MICAL2: variants seen among roughly 807,000 people sequenced by gnomAD.
The protein encoded by MICAL2 is microtubule associated monooxygenase, calponin and LIM domain containing 2.
In MICAL2, 77 loss-of-function variants were observed where a neutral mutation model predicts 127.3. The ratio of observed to expected loss-of-function variants is 0.60; its 90% CI spans 0.50 to 0.73. MICAL2 has a LOEUF of 0.73. MICAL2 is among the 30% of genes least tolerant of loss of function. The probability of loss-of-function intolerance (pLI) is 0.00; values close to 1 mark genes in which losing one functional copy is unlikely to be tolerated. For missense variants in MICAL2, 1,351 were observed against 1,434.4 expected (o/e 0.94, Z 0.94); for synonymous variants, 570 against 551.1 (o/e 1.03, Z -0.48).
At chr11:12,197,769 C>G (rs1432288497) in intron 3 of MICAL2, 2 of 152,176 alleles carry the variant, frequency 1.3e-5, no homozygotes, top group Non-Finnish European at 2.9e-5. Context: ...TAAAACTGTC[C>G]CTGAAAATCC....
chr11:12,162,923 C>A (rs1240296974), intron 3 of MICAL2, among the ~76,000 whole-genome samples: 1 of 152,176 alleles, frequency 6.6e-6, no homozygotes, highest in African/African-American at 2.4e-5. Flanking sequence ...GGCATAGTTA[C>A]AGAGTTGTGT....
At chr11:12,199,792 C>G (rs995200208) in intron 3 of MICAL2, among the ~76,000 whole-genome samples, 1 of 152,310 alleles carries the variant, frequency 6.6e-6, no homozygotes, top group South Asian at 2.1e-4. Flanking sequence ...GTTTGTCTCT[C>G]CTCTGTGCTA....
chr11:12,227,908 C>T (rs1457064220), intron 15 of MICAL2, among the ~76,000 whole-genome samples: 1 of 152,190 alleles, frequency 6.6e-6, no homozygotes, highest in African/African-American at 2.4e-5. Context: ...TGTGAGTTCA[C>T]ATGGTGCCAT....
At chr11:12,196,150 A>T (rs116490873) in intron 3 of MICAL2, 2 of 153,498 alleles carry the variant, frequency 1.3e-5, no homozygotes, top group African/African-American at 4.8e-5. Flanking sequence ...ATTGGATTCT[A>T]TATCTGTTCT....
chr11:12,333,091 C>T (rs1938678815), intron 32 of MICAL2, among the ~76,000 whole-genome samples: 1 of 151,980 alleles, frequency 6.6e-6, no homozygotes, highest in South Asian at 2.1e-4. Context: ...TAAAGCTGAC[C>T]CTTGCAAGTT....
chr11:12,228,158 G>A (rs1054274154), intron 15 of MICAL2, among the ~76,000 whole-genome samples: 6 of 152,104 alleles, frequency 3.9e-5, no homozygotes, highest in Admixed American at 1.3e-4. Flanking sequence ...ATGAAACCCC[G>A]TATCTACTAA....
downstream of MICAL2, chr11:12,294,252 C>T (rs1863944432): frequency 6.2e-7 from 1 of 1,614,144 alleles, no homozygotes; most frequent in East Asian, 2.2e-5. Flanking sequence ...CGGCTCATAG[C>T]CAATGCCATC....
intron 33 of MICAL2, among the ~76,000 whole-genome samples, chr11:12,350,726 A>C (rs765611166): frequency 6.6e-6 from 1 of 152,220 alleles, no homozygotes; most frequent in African/African-American, 2.4e-5. Flanking sequence ...TTATATGATA[A>C]TGGCTTGTAC....
chr11:12,218,545 A>AG (rs548656891), intron 8 of MICAL2, among the ~76,000 whole-genome samples: 12 of 152,132 alleles, frequency 7.9e-5, no homozygotes, highest in African/African-American at 2.2e-4. Flanking sequence ...CATATTTTGA[A>AG]GGGGGGGTGT....
intron 1 of MICAL2, among the ~76,000 whole-genome samples, chr11:12,137,439 G>A (rs1226338079): frequency 6.6e-6 from 1 of 152,218 alleles, no homozygotes; most frequent in Non-Finnish European, 1.5e-5. Flanking sequence ...TTTGCTGTCT[G>A]TGAGGAGCCA....
intron 29 of MICAL2, among the ~76,000 whole-genome samples, chr11:12,306,822 C>A (rs888767082): frequency 1.3e-5 from 2 of 152,128 alleles, no homozygotes; most frequent in Non-Finnish European, 2.9e-5. Context: ...AGTAGAATTT[C>A]ATTGTATGGA....
intron 20 of MICAL2, 45 bp downstream of exon 20, chr11:12,242,817 A>C (rs775309208): frequency 2.1e-6 from 3 of 1,437,378 alleles, no homozygotes; most frequent in South Asian, 1.3e-5. Flanking sequence ...GATGCTGGAC[A>C]TCCAGCCAGG....
intron 33 of MICAL2, among the ~76,000 whole-genome samples, chr11:12,354,515 G>A (rs1335432897): frequency 6.6e-6 from 1 of 151,744 alleles, no homozygotes; most frequent in African/African-American, 2.4e-5. Context: ...GTGCACGCCT[G>A]TAATCCCAGC....
intron 21 of MICAL2, 137 bp from the exon 22 acceptor site, chr11:12,249,047 T>C (rs981836071): frequency 2.0e-5 from 21 of 1,054,480 alleles, no homozygotes; most frequent in Non-Finnish European, 2.9e-5. Flanking sequence ...CTCTTGAGGG[T>C]AACTGGAATA....
intron 1 of MICAL2, among the ~76,000 whole-genome samples, chr11:12,118,941 G>T (rs187879550): frequency 6.6e-6 from 1 of 152,274 alleles, no homozygotes; most frequent in African/African-American, 2.4e-5. Context: ...GAGTCCTCTG[G>T]ATGGCTTTCT....
At chr11:12,242,020 T>C (rs927330794) in intron 18 of MICAL2, among the ~76,000 whole-genome samples, 194 bp from the exon 19 acceptor site, 2 of 152,010 alleles carry the variant, frequency 1.3e-5, no homozygotes, top group African/African-American at 4.8e-5. Flanking sequence ...CCCCAGACTG[T>C]GTATTGTGAA....
At chr11:12,135,340 C>A (rs1224612371) in intron 1 of MICAL2, among the ~76,000 whole-genome samples, 1 of 152,082 alleles carries the variant, frequency 6.6e-6, no homozygotes, top group Admixed American at 6.5e-5. Flanking sequence ...TTTTACATAC[C>A]AGGAAACTGA....
chr11:12,227,965 G>A (rs1463378929), intron 15 of MICAL2, among the ~76,000 whole-genome samples: 123 of 152,236 alleles, frequency 8.1e-4, no homozygotes, highest in Non-Finnish European at 5.9e-5. Flanking sequence ...TGACAGTTTT[G>A]TGTGAGTGCT....
chr11:12,351,788 A>G (rs539949158), intron 33 of MICAL2, among the ~76,000 whole-genome samples: 1 of 151,242 alleles, frequency 6.6e-6, no homozygotes, highest in South Asian at 2.1e-4. Context: ...GTTGTATTAT[A>G]ACTTTTTTTT....
Sources: allele counts gnomAD v4.1 joint callset (sites outside exome capture counted in the v4.1 genomes callset), GRCh38; gene constraint gnomAD v4.1.1; transcripts MANE v1.5; gene names NCBI Gene and HGNC (gene_info 2026-07-23, HGNC 2026-07-21).